The following MAPK6 variants were observed in gnomAD, a reference collection of about 807,000 sequenced individuals.
MAPK6 encodes mitogen-activated protein kinase 6, also known as ERK-3.
In MAPK6, 19 loss-of-function variants were observed where a neutral mutation model predicts 59.3. The ratio of observed to expected loss-of-function variants is 0.32; its 90% CI spans 0.22 to 0.47. The LOEUF (loss-of-function observed/expected upper bound fraction) is 0.47. MAPK6 is among the 20% of genes least tolerant of loss of function. MAPK6 has a pLI of 1.00. For missense variants in MAPK6, 724 were observed against 847.9 expected, an observed-to-expected ratio of 0.85 and a Z score of 1.81; for synonymous variants, 316 against 290.3, an observed-to-expected ratio of 1.09 and a Z score of -0.90.
intron 2 of MAPK6, chr15:52,004,074 A>G (rs2057250420): frequency 6.6e-6 from 1 of 152,126 alleles, no homozygotes; most frequent in Non-Finnish European, 1.5e-5. Context: ...CACGACCATC[A>G]TGAAAATTGG....
rs933623537 is a variant in MAPK6 at position 52,036,768 on chromosome 15, T to C, written c.-631-9062T>C. ...TTTTTAAATCTCGCAAGCTTTCTTT[T>C]TTTCTTCCTTTCTTTCCTTCCTTCC... is the stretch of plus-strand genomic sequence containing the variant. On this transcript the variant is annotated intron_variant, in intron 1 of 5. Coordinates refer to ENST00000261845, the MANE Select transcript of MAPK6 (RefSeq NM_002748.4). 3.3e-5 allele frequency among the ~76,000 whole-genome samples: 5 copies of C among 152,174 alleles called. No homozygotes were observed. The East Asian group carries it at 9.6e-4, about 29-fold the overall frequency.
intron 1 of MAPK6, among the ~76,000 whole-genome samples, chr15:51,976,108 T>C (rs1353272344): frequency 1.3e-5 from 2 of 150,958 alleles, no homozygotes; most frequent in African/African-American, 4.9e-5. Context: ...GTACTAAAAA[T>C]ATAAAAAATT....
Position 52,054,729 on chromosome 15 carries a change from TACAC to T in MAPK6, c.701-3886_701-3883del, listed in dbSNP as rs35669914. Among the ~76,000 whole-genome samples the T allele has an allele frequency of 8.6e-4, 126 of 147,134 alleles. 1 individual carries two copies. The South Asian group carries it at 9.6e-3, about 11-fold the overall frequency. ...GGTAAAGTGTACATACATATATCTA[TACAC>T]ACACACACACACACACATATACACA... On this transcript the variant is annotated intron_variant, in intron 3 of 5. Coordinates refer to ENST00000261845, the MANE Select transcript of MAPK6 (RefSeq NM_002748.4).
intron 1 of MAPK6, among the ~76,000 whole-genome samples, chr15:52,030,224 G>C (rs2030974641): frequency 6.6e-6 from 1 of 152,202 alleles, no homozygotes; most frequent in Non-Finnish European, 1.5e-5. Context: ...CCATTTCCCA[G>C]CTACTAGGCC....
At chr15:52,052,713 T>A (rs2031820578) in intron 3 of MAPK6, among the ~76,000 whole-genome samples, 1 of 152,256 alleles carries the variant, frequency 6.6e-6, no homozygotes, top group African/African-American at 2.4e-5. Flanking sequence ...TGTTGTGGCA[T>A]ATGTTAGTAC....
intron 3 of MAPK6, among the ~76,000 whole-genome samples, chr15:52,055,878 G>A (rs1451330430): frequency 6.6e-6 from 1 of 152,118 alleles, no homozygotes; most frequent in Admixed American, 6.5e-5. Flanking sequence ...ATTAAATATA[G>A]GAATAAAAAT....
Position 52,059,966 on chromosome 15 carries a change from A to G in MAPK6, c.865+1169A>G, listed in dbSNP as rs1437593167. Among the ~76,000 whole-genome samples the G allele has an allele frequency of 4.6e-5, 7 of 152,222 alleles. No homozygotes were observed. In the South Asian group the frequency reaches 1.4e-3, roughly 31 times the overall value. On this transcript the variant is annotated intron_variant, in intron 4 of 5. Coordinates refer to ENST00000261845, the MANE Select transcript of MAPK6 (RefSeq NM_002748.4). The stretch of plus-strand genomic sequence containing the variant: ...CATTCTTTATGATCTTTGAAGGAAA[A>G]AAGCAAACAGGATTAAGTACATCTG...
At chr15:52,034,565 C>CAA (rs2031172255) in intron 1 of MAPK6, among the ~76,000 whole-genome samples, 1 of 152,124 alleles carries the variant, frequency 6.6e-6, no homozygotes, top group Admixed American at 6.5e-5. Context: ...CTCGGCCCCC[C>CAA]AAAGTGCTAG....
upstream of MAPK6, among the ~76,000 whole-genome samples, chr15:52,016,070 G>GCGCGCGCACACACACA: frequency 4.7e-3 from 261 of 55,414 alleles, 2 homozygotes; most frequent in Non-Finnish European, 6.3e-3. Context: ...GCGCGCGCGC[G>GCGCGCGCACACACACA]CACACACACA....
rs956104467 is a variant in MAPK6, at chr15:52,042,580, C to A, written c.-631-3250C>A. Among the ~76,000 whole-genome samples the A allele has an allele frequency of 4.9e-4, 75 of 152,306 alleles. 1 individual carries two copies. Among genetic ancestry groups the A allele is most frequent in the Middle Eastern group, 3.4e-3 (1 of 294 alleles). On this transcript the variant is annotated intron_variant, in intron 1 of 5. Coordinates refer to ENST00000261845, the MANE Select transcript of MAPK6 (RefSeq NM_002748.4). ...GGATGGGGGTCTTGAGTAAGGATCTCTCATTTTCATGGCTTTCCTAATCTG... is the reference window on the plus strand; with the variant it reads ...GGATGGGGGTCTTGAGTAAGGATCTATCATTTTCATGGCTTTCCTAATCTG...
chr15:52,013,009 A>T (rs1595968937), intron 3 of MAPK6, among the ~76,000 whole-genome samples: 1 of 26,130 alleles, frequency 3.8e-5, no homozygotes, highest in Admixed American at 4.4e-4. Flanking sequence ...AAAAAAAAAA[A>T]AAAAAAAAAA....
intron 1 of MAPK6, among the ~76,000 whole-genome samples, chr15:51,973,692 G>A (rs1050619639): frequency 4.6e-5 from 7 of 151,012 alleles, no homozygotes; most frequent in African/African-American, 1.7e-4. Context: ...CGCTCTTGTT[G>A]CCCAGGCTGG....
chr15:52,043,184 A>G (rs566353671), intron 1 of MAPK6, among the ~76,000 whole-genome samples: 1 of 152,330 alleles, frequency 6.6e-6, no homozygotes, highest in South Asian at 2.1e-4. Flanking sequence ...GCGAGCAGGA[A>G]GAATCAAGAT....
intron 5 of MAPK6, among the ~76,000 whole-genome samples, chr15:52,062,928 T>TAGTG (rs1457078284): frequency 3.3e-5 from 5 of 152,208 alleles, no homozygotes; most frequent in African/African-American, 1.2e-4. Context: ...TGGGAACCAC[T>TAGTG]AATGCCAATC....
intron 1 of MAPK6, among the ~76,000 whole-genome samples, chr15:52,039,833 T>C (rs1566907491): frequency 6.6e-6 from 1 of 152,162 alleles, no homozygotes; most frequent in African/African-American, 2.4e-5. Context: ...GTCTTTAAAT[T>C]GGATACTTTG....
At chr15:52,035,429 G>GT (rs1416240527) in intron 1 of MAPK6, 3 of 152,442 alleles carry the variant, frequency 2.0e-5, no homozygotes, top group Admixed American at 2.0e-4. Flanking sequence ...GAGGTCAGGA[G>GT]TTTGAGACCA....
chr15:51,981,195 C>G lies in MAPK6; in HGVS notation c.-879-2011C>G, dbSNP rs553276703. On this transcript the variant is annotated intron_variant, in intron 1 of 7. Transcript: ENST00000691380. The stretch of plus-strand genomic sequence containing the variant: ...CCTATGAAAATTCAGACTTATCGGC[C>G]GGGTGCGGTGGCTCATGCCTGTAAT... Among the ~76,000 whole-genome samples, 3 of 151,472 alleles carry G rather than the reference C, an allele frequency of 2.0e-5. No homozygotes were observed. In the South Asian group the frequency reaches 6.3e-4, roughly 32 times the overall value.
chr15:52,018,918 A>T (rs1481593327), upstream of MAPK6: 1 of 152,368 alleles, frequency 6.6e-6, no homozygotes, highest in Non-Finnish European at 1.5e-5. Flanking sequence ...AGTGCCTTGC[A>T]CGTAGTAGGT....
At chr15:52,060,887 A>G (rs928565077) in intron 4 of MAPK6, among the ~76,000 whole-genome samples, 4 of 152,232 alleles carry the variant, frequency 2.6e-5, no homozygotes, top group African/African-American at 7.2e-5. Context: ...TGAAATATCT[A>G]TGTCTACTTT....
Sources: gnomAD v4.1 joint callset for allele counts (sites outside exome capture counted in the v4.1 genomes callset) on GRCh38, gnomAD v4.1.1 for gene constraint, MANE v1.5 for transcripts, NCBI Gene and HGNC (gene_info 2026-07-23, HGNC 2026-07-21) for gene names.